DAB1: variants seen among roughly 807,000 people sequenced by gnomAD.
DAB1 encodes the protein DAB adaptor protein 1.
In DAB1, 15 loss-of-function variants were observed where a neutral mutation model predicts 64.6. The ratio of observed to expected loss-of-function variants is 0.23; its 90% CI spans 0.16 to 0.36. DAB1 has a LOEUF of 0.36. Among genes scored for constraint, DAB1 ranks in the 10% least tolerant of loss-of-function variants. The pLI is 1.00. For missense variants in DAB1, 596 were observed against 706.7 expected, an observed-to-expected ratio of 0.84 and a Z score of 1.78; for synonymous variants, 235 against 251.9, an observed-to-expected ratio of 0.93 and a Z score of 0.64.
rs191861839 is a variant in DAB1, at chr1:57,252,216, A to C, written c.67+38748T>G. Among the ~76,000 whole-genome samples the C allele has an allele frequency of 1.7e-3, 260 of 152,312 alleles. 1 individual carries two copies. The highest frequency in any genetic ancestry group is 5.3e-3 in the African/African-American group (221 of 41,574). ...TTTCATCCATCACTGACTAATTATC[A>C]GCGCAAATCTGGCCCACAGCCTATA... On this transcript the variant is annotated intron_variant, in intron 2 of 14. Coordinates refer to ENST00000371236, the MANE Select transcript of DAB1 (RefSeq NM_001365792.1).
intron 5 of DAB1, among the ~76,000 whole-genome samples, chr1:57,904,529 T>C (rs58020116): frequency 0.24 from 36,285 of 151,980 alleles, 4,893 homozygotes; most frequent in Non-Finnish European, 0.29. Context: ...TGGTAATAAA[T>C]ACCATGGAAA....
At chr1:58,453,917 G>T (rs1299670430) in intron 3 of DAB1, among the ~76,000 whole-genome samples, 2 of 151,970 alleles carry the variant, frequency 1.3e-5, no homozygotes, top group Admixed American at 6.6e-5. Context: ...TTTCCCCATG[G>T]GTCTGCTCCA....
intron 1 of DAB1, 83 bp from the exon 2 acceptor site, chr1:57,291,249 A>T (rs554218964): frequency 4.1e-5 from 16 of 392,432 alleles, no homozygotes; most frequent in South Asian, 2.7e-4. Flanking sequence ...ATTGGCAAAC[A>T]TATACAAACA....
At chr1:57,441,272 C>CTCTT (rs60171938) in intron 7 of DAB1, among the ~76,000 whole-genome samples, 4,832 of 72,396 alleles carry the variant, frequency 0.067, 93 homozygotes, top group Non-Finnish European at 0.11. Context: ...TTCTTTCTTT[C>CTCTT]TCTTTCTTTC....
At chr1:58,298,533 G>A (rs1005206542) in intron 4 of DAB1, among the ~76,000 whole-genome samples, 3 of 152,256 alleles carry the variant, frequency 2.0e-5, no homozygotes, top group African/African-American at 7.2e-5. Context: ...GCCTGCAGAA[G>A]GAGCCTATGC....
At chr1:57,298,556 G>A (rs999586456) in intron 1 of DAB1, among the ~76,000 whole-genome samples, 1 of 151,900 alleles carries the variant, frequency 6.6e-6, no homozygotes, top group Admixed American at 6.6e-5. Context: ...GGGAGAAAAC[G>A]AATCACAAAT....
At chr1:58,313,451 T>C (rs1662474802) in intron 4 of DAB1, among the ~76,000 whole-genome samples, 1 of 152,030 alleles carries the variant, frequency 6.6e-6, no homozygotes, top group Non-Finnish European at 1.5e-5. Context: ...AGAGAACCAA[T>C]CCTGTAACCT....
intron 4 of DAB1, among the ~76,000 whole-genome samples, chr1:58,263,153 C>G (rs559706418): frequency 1.3e-5 from 2 of 152,190 alleles, no homozygotes; most frequent in East Asian, 3.9e-4. Flanking sequence ...ATATGGAAAA[C>G]AGAGGCCAAT....
At chr1:58,246,441 A>G (rs1242730240) in intron 4 of DAB1, among the ~76,000 whole-genome samples, 2 of 152,232 alleles carry the variant, frequency 1.3e-5, no homozygotes, top group Non-Finnish European at 2.9e-5. Context: ...TTTAAGATGG[A>G]TCCTAATGCA....
At chr1:58,381,444 T>C (rs774240636) in intron 3 of DAB1, among the ~76,000 whole-genome samples, 2 of 152,144 alleles carry the variant, frequency 1.3e-5, no homozygotes, top group Non-Finnish European at 2.9e-5. Flanking sequence ...CAATAATTAA[T>C]ACACGTTAAA....
intron 7 of DAB1, among the ~76,000 whole-genome samples, chr1:57,557,674 T>A (rs2101495461): frequency 6.6e-6 from 1 of 152,224 alleles, no homozygotes; most frequent in Non-Finnish European, 1.5e-5. Flanking sequence ...ACACCGACAG[T>A]CCTTGGCATG....
At chr1:57,631,797 G>C (rs1645992452) in intron 7 of DAB1, among the ~76,000 whole-genome samples, 1 of 152,172 alleles carries the variant, frequency 6.6e-6, no homozygotes, top group African/African-American at 2.4e-5. Flanking sequence ...ACATTCAGCA[G>C]GGAAATGTAC....
intron 7 of DAB1, among the ~76,000 whole-genome samples, chr1:57,631,799 G>C (rs770311156): frequency 2.6e-5 from 4 of 152,162 alleles, no homozygotes; most frequent in Non-Finnish European, 4.4e-5. Flanking sequence ...ATTCAGCAGG[G>C]AAATGTACCA....
intron 4 of DAB1, among the ~76,000 whole-genome samples, chr1:58,273,859 A>T (rs1260920295): frequency 4.4e-5 from 5 of 113,702 alleles, no homozygotes; most frequent in Admixed American, 9.4e-5. Flanking sequence ...TTTCAGCTCC[A>T]TCAGCTCCTT....
intron 2 of DAB1, among the ~76,000 whole-genome samples, chr1:57,273,031 TG>T (rs768258472): frequency 6.6e-6 from 1 of 152,176 alleles, no homozygotes; most frequent in Non-Finnish European, 1.5e-5. Context: ...TGGAAATTTC[TG>T]GGCCAAGTGA....
At chr1:57,407,188 C>T (rs17115761) in intron 1 of DAB1, among the ~76,000 whole-genome samples, 3,286 of 152,246 alleles carry the variant, frequency 0.022, 185 homozygotes, top group Admixed American at 0.13. Flanking sequence ...CTGTTTTCCC[C>T]GCGCCAGTAG....
chr1:57,411,335 T>C (rs1209625197), intron 1 of DAB1, among the ~76,000 whole-genome samples: 2 of 152,222 alleles, frequency 1.3e-5, no homozygotes, highest in Admixed American at 6.5e-5. Flanking sequence ...GACTCATCTT[T>C]CTATTTCTGT....
At chr1:58,040,848 T>G (rs1055884262) in intron 5 of DAB1, among the ~76,000 whole-genome samples, 1 of 152,188 alleles carries the variant, frequency 6.6e-6, no homozygotes, top group Non-Finnish European at 1.5e-5. Flanking sequence ...CTCTCTTCTT[T>G]TCCTGAACCT....
In DAB1 at chr1:57,695,357, GAAAGAA is replaced by G. The variant is rs1308390496; in HGVS notation, n.552-45698_552-45693del. Among the ~76,000 whole-genome samples, 68 of 16,018 alleles carry G rather than the reference GAAAGAA, an allele frequency of 4.2e-3. 4 individuals carry two copies. The highest frequency in any genetic ancestry group is 0.012 in the African/African-American group (66 of 5,474). The allele number at this position is 16,018 out of a possible 152,430, so 10.5% of individuals were successfully genotyped here. On this transcript the variant is annotated intron_variant and non_coding_transcript_variant, in intron 6 of 20. Transcript: ENST00000485760. ...GAAAGAAAGAAAGAAAGAAAGAAAA[GAAAGAA>G]GAAAGAAAGAAAGAAAGAAAGAAAG...
Sources: allele counts gnomAD v4.1 joint callset (sites outside exome capture counted in the v4.1 genomes callset), GRCh38; gene constraint gnomAD v4.1.1; transcripts MANE v1.5; gene names NCBI Gene and HGNC (gene_info 2026-07-23, HGNC 2026-07-21).